The following TPTE variants were observed in gnomAD, a reference collection of about 807,000 sequenced individuals.
The protein encoded by TPTE is putative tyrosine-protein phosphatase TPTE.
TPTE carries 59 observed loss-of-function variants against 84.1 expected under a neutral mutation model. The observed-to-expected ratio is 0.70, with a 90% CI of 0.57 to 0.87. The LOEUF is 0.87. TPTE is among the 40% of genes least tolerant of loss of function. The pLI is 0.00. For synonymous variants in TPTE, 130 were observed against 223.5 expected (o/e 0.58, Z 3.73); for missense variants, 382 against 659.6 (o/e 0.58, Z 4.61).
intron 20 of TPTE, 81 bp downstream of exon 20, chr21:10,596,168 T>C: frequency 6.5e-7 from 1 of 1,546,476 alleles, no homozygotes; most frequent in Non-Finnish European, 8.9e-7. Flanking sequence ...CATAGTTGTA[T>C]ATACAGATGA....
At chr21:10,528,885 G>A (rs1172175991) in intron 3 of TPTE, among the ~76,000 whole-genome samples, 2 of 152,306 alleles carry the variant, frequency 1.3e-5, no homozygotes. Flanking sequence ...ATGCTGGTGT[G>A]TTTGTCAAAA....
intron 3 of TPTE, among the ~76,000 whole-genome samples, chr21:10,530,180 G>C (rs1457614943): frequency 2.0e-5 from 3 of 152,306 alleles, no homozygotes. Context: ...CCCAGCCCTG[G>C]AATCAGCCAT....
chr21:10,556,199 C>T (rs1330343678), intron 8 of TPTE, among the ~76,000 whole-genome samples: 2 of 152,310 alleles, frequency 1.3e-5, no homozygotes, highest in Admixed American at 6.5e-5. Flanking sequence ...CCCATCCCCC[C>T]ACCCCATGAC....
chr21:10,578,688 A>T, intron 17 of TPTE, 83 bp downstream of exon 17: 1 of 1,597,032 alleles, frequency 6.3e-7, no homozygotes, highest in Non-Finnish European at 8.5e-7. Context: ...ACGTATTGCT[A>T]TTAATATGTA....
In TPTE at chr21:10,603,563, A is replaced by C. The variant is rs1408933974; in HGVS notation, c.1451A>C (p.Asn484Thr). The change falls in exon 23 of 24, where the codon AAT (asparagine) becomes ACT (threonine). Residue 484 changes from asparagine (N) to threonine (T), a missense_variant and splice_region_variant. Asn to Thr is a moderately conservative substitution (Grantham distance 65). Transcript: ENST00000618007. Reference protein sequence around the residue: ...DDVKVQFFYSNLPTYYDNCSF... With the variant: ...DDVKVQFFYSTLPTYYDNCSF... ...TTTGAAATTTTTTTTTCTTTTTAGA[A>C]TCTTCCTACATACTATGACAATTGC... 1.2e-6 allele frequency: 2 copies of C among 1,610,026 alleles called. No homozygotes were observed. The highest frequency in any genetic ancestry group is 1.7e-6 in the Non-Finnish European group (2 of 1,178,138).
intron 7 of TPTE, among the ~76,000 whole-genome samples, chr21:10,545,176 C>T (rs2074442100): frequency 6.6e-6 from 1 of 152,420 alleles, no homozygotes; most frequent in Non-Finnish European, 1.5e-5. Context: ...GTAGAGTCAT[C>T]AATGATGGGT....
intron 17 of TPTE, among the ~76,000 whole-genome samples, chr21:10,581,613 G>A (rs1442172783): frequency 1.6e-4 from 24 of 152,400 alleles, no homozygotes; most frequent in African/African-American, 5.8e-4. Flanking sequence ...ATTTTATATT[G>A]ATTTATAGAA....
At chr21:10,541,246 C>A (rs2074364557) in intron 5 of TPTE, 81 bp downstream of exon 5, 1 of 1,586,848 alleles carries the variant, frequency 6.3e-7, no homozygotes, top group East Asian at 2.3e-5. Context: ...CTGAAGCAGG[C>A]CGATACCCTG....
At chr21:10,576,119 T>A (rs1473051771) in intron 14 of TPTE, among the ~76,000 whole-genome samples, 36 of 152,282 alleles carry the variant, frequency 2.4e-4, no homozygotes, top group African/African-American at 8.2e-4. Flanking sequence ...TAAAAATACA[T>A]GCATGCACAC....
intron 17 of TPTE, among the ~76,000 whole-genome samples, chr21:10,581,681 CAT>C (rs1257888743): frequency 2.6e-5 from 4 of 152,306 alleles, no homozygotes; most frequent in Admixed American, 6.5e-5. Flanking sequence ...ATTCTCCCCA[CAT>C]GTTGCCTTTT....
At chr21:10,587,301 G>T (rs1235985191) in intron 17 of TPTE, among the ~76,000 whole-genome samples, 1 of 152,304 alleles carries the variant, frequency 6.6e-6, no homozygotes, top group Admixed American at 6.5e-5. Context: ...TTTGGGGTAT[G>T]ATTGATCGCA....
chr21:10,523,369 A>T (rs2074019255), intron 1 of TPTE, among the ~76,000 whole-genome samples: 1 of 152,296 alleles, frequency 6.6e-6, no homozygotes, highest in African/African-American at 2.4e-5. Context: ...TTACATATGT[A>T]AACGTGTGAC....
At chr21:10,544,412 A>C (rs11184138) in intron 7 of TPTE, among the ~76,000 whole-genome samples, 2,204 of 151,504 alleles carry the variant, frequency 0.015, no homozygotes, top group Non-Finnish European at 0.02. Context: ...TTTGAGATGA[A>C]GTCTCGCTGT....
chr21:10,525,488 A>T (rs1191294383), intron 2 of TPTE, among the ~76,000 whole-genome samples: 1 of 152,312 alleles, frequency 6.6e-6, no homozygotes, highest in Admixed American at 6.5e-5. Flanking sequence ...CGGAAAGCTT[A>T]CAGAAGCTTA....
intron 17 of TPTE, among the ~76,000 whole-genome samples, chr21:10,582,059 T>A (rs12482575): frequency 1.3e-5 from 2 of 152,310 alleles, no homozygotes; most frequent in African/African-American, 4.8e-5. Context: ...TTGAATATAG[T>A]GAAATTTGTT....
intron 17 of TPTE, among the ~76,000 whole-genome samples, chr21:10,579,143 CATT>C (rs1375110264): frequency 1.2e-4 from 19 of 152,276 alleles, no homozygotes; most frequent in Non-Finnish European, 2.5e-4. Context: ...TTCAAGTATA[CATT>C]ATTATTAACT....
intron 17 of TPTE, among the ~76,000 whole-genome samples, chr21:10,588,923 T>C (rs1312179735): frequency 1.1e-4 from 16 of 152,354 alleles, no homozygotes; most frequent in African/African-American, 3.9e-4. Context: ...TAGAAGTTTC[T>C]TTTTGTTGAT....
chr21:10,558,830 C>T (rs2074735027), intron 8 of TPTE, among the ~76,000 whole-genome samples: 1 of 152,292 alleles, frequency 6.6e-6, no homozygotes, highest in African/African-American at 2.4e-5. Context: ...TCCTCATGAG[C>T]TACCTTGTCT....
intron 3 of TPTE, among the ~76,000 whole-genome samples, chr21:10,528,647 T>A (rs2074123911): frequency 6.6e-6 from 1 of 152,310 alleles, no homozygotes; most frequent in Non-Finnish European, 1.5e-5. Flanking sequence ...CTGATGCTGT[T>A]TGTGTTATAC....
Sources: allele counts gnomAD v4.1 joint callset (sites outside exome capture counted in the v4.1 genomes callset), GRCh38; gene constraint gnomAD v4.1.1; transcripts MANE v1.5; gene names NCBI Gene and HGNC (gene_info 2026-07-23, HGNC 2026-07-21).